The following EPHA6 variants were observed in gnomAD, a reference collection of about 807,000 sequenced individuals.
EPHA6 encodes EPH receptor A6.
Under a neutral mutation model 112.0 loss-of-function variants are expected in EPHA6, and 50 were observed. The observed-to-expected ratio is 0.45, with a 90% confidence interval of 0.36 to 0.56. The LOEUF (loss-of-function observed/expected upper bound fraction) is 0.56. Ranked by LOEUF, EPHA6 falls within the 20% of genes least tolerant of loss-of-function variation. The pLI, the probability that EPHA6 is intolerant of heterozygous loss-of-function variation, is 0.00. For synonymous variants in EPHA6, 529 were observed against 490.7 expected, an observed-to-expected ratio of 1.08 and a Z score of -1.03; for missense variants, 1,280 against 1,417.4, an observed-to-expected ratio of 0.90 and a Z score of 1.56.
intron 2 of EPHA6, among the ~76,000 whole-genome samples, chr3:96,949,337 G>C (rs2041428489): frequency 6.6e-6 from 1 of 152,090 alleles, no homozygotes. Context: ...TATAAATCTA[G>C]CTGTTGAAAG....
intron 2 of EPHA6, among the ~76,000 whole-genome samples, chr3:96,867,636 A>C (rs1160107995): frequency 6.6e-6 from 1 of 151,864 alleles, no homozygotes; most frequent in Non-Finnish European, 1.5e-5. Flanking sequence ...ACATGTTTTC[A>C]GATACACTTG....
chr3:97,472,799 T>C (rs1203803681), intron 7 of EPHA6, among the ~76,000 whole-genome samples: 1 of 151,834 alleles, frequency 6.6e-6, no homozygotes, highest in Non-Finnish European at 1.5e-5. Flanking sequence ...AGCAAGGCTA[T>C]GATTGTTGTA....
At chr3:97,592,965 T>C (rs1405688662) in intron 12 of EPHA6, among the ~76,000 whole-genome samples, 2 of 152,202 alleles carry the variant, frequency 1.3e-5, no homozygotes, top group Admixed American at 1.3e-4. Flanking sequence ...CTGCCTCCTC[T>C]CCTGAGAAAA....
chr3:97,511,447 C>A (rs1247664040), intron 10 of EPHA6, among the ~76,000 whole-genome samples: 1 of 152,134 alleles, frequency 6.6e-6, no homozygotes, highest in Non-Finnish European at 1.5e-5. Context: ...GTTCCTCGAC[C>A]CCTTGCACTT....
At chr3:97,002,398 C>A in intron 3 of EPHA6, among the ~76,000 whole-genome samples, 1 of 126,130 alleles carries the variant, frequency 7.9e-6, no homozygotes, top group African/African-American at 2.5e-5. Flanking sequence ...AATTTTTATT[C>A]ATGAGGGTTG....
chr3:97,245,651 A>G (rs2078967555), intron 5 of EPHA6, among the ~76,000 whole-genome samples: 1 of 152,008 alleles, frequency 6.6e-6, no homozygotes, highest in African/African-American at 2.4e-5. Context: ...CCACTCATAT[A>G]ATATTCTTGA....
intron 2 of EPHA6, among the ~76,000 whole-genome samples, chr3:96,968,214 A>C (rs1211557191): frequency 1.3e-5 from 2 of 151,764 alleles, no homozygotes; most frequent in African/African-American, 4.8e-5. Context: ...CTGACTTTGG[A>C]TGTAAACTTC....
chr3:97,719,092 C>G (rs1256324786), intron 14 of EPHA6, among the ~76,000 whole-genome samples: 1 of 122,350 alleles, frequency 8.2e-6, no homozygotes, highest in Non-Finnish European at 1.7e-5. Context: ...CCCCCCACCC[C>G]CCCCCCCACC....
At chr3:97,027,933 C>T (rs1180074318) in intron 3 of EPHA6, among the ~76,000 whole-genome samples, 1 of 152,122 alleles carries the variant, frequency 6.6e-6, no homozygotes, top group Non-Finnish European at 1.5e-5. Flanking sequence ...CTCCAAATTC[C>T]CGTATCCTGG....
intron 14 of EPHA6, among the ~76,000 whole-genome samples, chr3:97,684,773 A>G (rs2032123159): frequency 6.6e-6 from 1 of 152,234 alleles, no homozygotes; most frequent in Non-Finnish European, 1.5e-5. Flanking sequence ...AGGGAATCAG[A>G]AACCAGTCTG....
At chr3:97,146,517 CA>C (rs915324546) in intron 3 of EPHA6, among the ~76,000 whole-genome samples, 6 of 151,788 alleles carry the variant, frequency 4.0e-5, no homozygotes, top group African/African-American at 1.4e-4. Flanking sequence ...CATCTCAACC[CA>C]AACTCTTCAA....
intron 3 of EPHA6, among the ~76,000 whole-genome samples, chr3:96,992,610 GT>G (rs893600178): frequency 1.2e-4 from 18 of 149,366 alleles, no homozygotes; most frequent in Middle Eastern, 3.5e-3. Flanking sequence ...AATTATTCTA[GT>G]TTTTTTTTTC....
chr3:97,002,321 AATATT>A (rs1036566028), intron 3 of EPHA6, among the ~76,000 whole-genome samples: 7 of 151,016 alleles, frequency 4.6e-5, no homozygotes, highest in Non-Finnish European at 1.0e-4. Flanking sequence ...ATGAAGTATT[AATATT>A]ATATGTATAT....
rs140059491 is a variant in EPHA6 at position 97,166,805 on chromosome 3, C to T, written c.1115-59459C>T. On this transcript the variant is annotated intron_variant, in intron 3 of 17. Coordinates refer to ENST00000389672, the MANE Select transcript of EPHA6 (RefSeq NM_001080448.3). ...CTACTGCTCTGCTACATGTCACCTT[C>T]ATGCCATACTTCTAGGCTAAAGAAG... is the stretch of plus-strand genomic sequence containing the variant. 7.7e-4 allele frequency among the ~76,000 whole-genome samples: 117 copies of T among 152,254 alleles called. 2 individuals carry two copies. In the East Asian group the frequency reaches 0.021, roughly 27 times the overall value.
chr3:97,351,882 G>T, intron 5 of EPHA6, among the ~76,000 whole-genome samples: 1 of 151,946 alleles, frequency 6.6e-6, no homozygotes, highest in East Asian at 1.9e-4. Context: ...TTATATTATT[G>T]GTTTATCATT....
chr3:97,582,375 T>C (rs1158063245), intron 11 of EPHA6, among the ~76,000 whole-genome samples: 1 of 151,898 alleles, frequency 6.6e-6, no homozygotes, highest in Non-Finnish European at 1.5e-5. Context: ...GGTAGGGAGA[T>C]TTTGGAATTT....
At chr3:97,630,009 T>C (rs1171417979) in intron 13 of EPHA6, among the ~76,000 whole-genome samples, 1 of 152,026 alleles carries the variant, frequency 6.6e-6, no homozygotes, top group Admixed American at 6.6e-5. Flanking sequence ...AATTCAGTAG[T>C]AACCTTTGTA....
intron 11 of EPHA6, among the ~76,000 whole-genome samples, chr3:97,582,752 C>T (rs1328735267): frequency 6.6e-6 from 1 of 152,064 alleles, no homozygotes; most frequent in Non-Finnish European, 1.5e-5. Flanking sequence ...AATTATCCTG[C>T]CATCTCATCC....
intron 1 of EPHA6, among the ~76,000 whole-genome samples, chr3:96,848,722 A>G (rs2035220942): frequency 6.6e-6 from 1 of 152,130 alleles, no homozygotes; most frequent in African/African-American, 2.4e-5. Flanking sequence ...GTGTTTTGGA[A>G]TCCTTTGAGA....
Sources: allele counts gnomAD v4.1 joint callset (sites outside exome capture counted in the v4.1 genomes callset), GRCh38; gene constraint gnomAD v4.1.1; transcripts MANE v1.5; gene names NCBI Gene and HGNC (gene_info 2026-07-23, HGNC 2026-07-21).